The following BFSP2 variants were observed in gnomAD, a reference collection of about 807,000 sequenced individuals.
The protein encoded by BFSP2 is phakinin.
A neutral mutation model predicts 44.9 loss-of-function variants in BFSP2; 38 were observed. The ratio of observed to expected loss-of-function variants is 0.85; its 90% confidence interval spans 0.65 to 1.11. BFSP2 has a LOEUF of 1.11. BFSP2 is among the 50% of genes least tolerant of loss of function. The pLI, the probability that BFSP2 is intolerant of heterozygous loss-of-function variation, is 0.00. For missense variants in BFSP2, 525 were observed against 533.0 expected, an observed-to-expected ratio of 0.99 and a Z score of 0.15; for synonymous variants, 197 against 209.9, an observed-to-expected ratio of 0.94 and a Z score of 0.53.
chr3:133,443,578 G>C (rs1414323092), intron 1 of BFSP2, among the ~76,000 whole-genome samples: 1 of 152,204 alleles, frequency 6.6e-6, no homozygotes, highest in Non-Finnish European at 1.5e-5. Context: ...CATCTGCCGG[G>C]CTTGGTAATA....
At chr3:133,433,349 A>C (rs1312534953) in intron 1 of BFSP2, among the ~76,000 whole-genome samples, 2 of 152,192 alleles carry the variant, frequency 1.3e-5, no homozygotes, top group East Asian at 1.9e-4. Flanking sequence ...CCTGCCTCTT[A>C]AGAACCTCTC....
At chr3:133,453,202 G>GA (rs2073981371) in intron 4 of BFSP2, among the ~76,000 whole-genome samples, 2 of 152,226 alleles carry the variant, frequency 1.3e-5, no homozygotes, top group African/African-American at 4.8e-5. Flanking sequence ...TTTGTCAGTT[G>GA]CAGTTGTGCC....
intron 1 of BFSP2, among the ~76,000 whole-genome samples, chr3:133,401,199 A>C (rs746097469): frequency 3.3e-5 from 5 of 152,230 alleles, no homozygotes; most frequent in Admixed American, 6.5e-5. Flanking sequence ...ATTTAACTCT[A>C]TATGTCCAGA....
intron 1 of BFSP2, among the ~76,000 whole-genome samples, chr3:133,427,882 AGAATTTGTTCT>A (rs1207900934): frequency 6.6e-6 from 1 of 152,242 alleles, no homozygotes; most frequent in East Asian, 1.9e-4. Context: ...ACTATATGCC[AGAATTTGTTCT>A]GAGGGTTTTG....
chr3:133,410,798 A>G, intron 1 of BFSP2: 1 of 199,472 alleles, frequency 5.0e-6, no homozygotes. Flanking sequence ...GCAGCAAAGC[A>G]CATCTCGCCA....
intron 1 of BFSP2, among the ~76,000 whole-genome samples, chr3:133,446,079 GC>G (rs1329810130): frequency 1.3e-5 from 2 of 152,146 alleles, no homozygotes; most frequent in Admixed American, 6.5e-5. Context: ...TCCCCAGTGT[GC>G]CCCAGGCCAA....
chr3:133,451,353 A>G (rs2107927495), intron 4 of BFSP2, among the ~76,000 whole-genome samples: 1 of 152,310 alleles, frequency 6.6e-6, no homozygotes, highest in African/African-American at 2.4e-5. Flanking sequence ...AGAGTACAGA[A>G]TGGTATATGC....
rs184186441 is a variant in BFSP2, at chr3:133,439,142, T to C, written c.490-8175T>C. On this transcript the variant is annotated intron_variant, in intron 1 of 6. Transcript: ENST00000302334. ...GAGATTATGCCTGTGAAGGGCTGACTGTGGCATAAGTGTAGTAAGTGCTTT... is the reference window on the plus strand; with the variant it reads ...GAGATTATGCCTGTGAAGGGCTGACCGTGGCATAAGTGTAGTAAGTGCTTT... Among the ~76,000 whole-genome samples, 53 of 152,388 alleles carry C rather than the reference T, an allele frequency of 3.5e-4. No homozygotes were observed. In the East Asian group the frequency reaches 9.6e-3, roughly 28 times the overall value.
intron 1 of BFSP2, among the ~76,000 whole-genome samples, chr3:133,444,507 C>T (rs1369135589): frequency 6.6e-6 from 1 of 152,066 alleles, no homozygotes; most frequent in East Asian, 1.9e-4. Flanking sequence ...TCGTTGTCTA[C>T]AAAGTATTTA....
chr3:133,430,476 T>A (rs1342723896), intron 1 of BFSP2, among the ~76,000 whole-genome samples: 1 of 152,170 alleles, frequency 6.6e-6, no homozygotes, highest in Non-Finnish European at 1.5e-5. Context: ...TATCTCATTG[T>A]GGTTTTGATT....
chr3:133,454,771 T>G (rs182016902), intron 4 of BFSP2, among the ~76,000 whole-genome samples: 1 of 152,362 alleles, frequency 6.6e-6, no homozygotes, highest in Non-Finnish European at 1.5e-5. Flanking sequence ...CTCCAAATTT[T>G]TGACTCTATT....
intron 1 of BFSP2, among the ~76,000 whole-genome samples, chr3:133,411,729 C>G (rs1197393): frequency 1.3e-5 from 2 of 151,838 alleles, no homozygotes; most frequent in Non-Finnish European, 2.9e-5. Context: ...GACAACTAGA[C>G]AGTCATAAGG....
chr3:133,458,452 G>A (rs189392594), intron 4 of BFSP2, among the ~76,000 whole-genome samples: 2 of 152,300 alleles, frequency 1.3e-5, no homozygotes, highest in East Asian at 3.9e-4. Flanking sequence ...CCAGCACTTT[G>A]GGAAGCCAAG....
intron 1 of BFSP2, among the ~76,000 whole-genome samples, chr3:133,439,116 T>C (rs1204068185): frequency 6.6e-6 from 1 of 152,174 alleles, no homozygotes; most frequent in East Asian, 1.9e-4. Flanking sequence ...AGGGATGAAA[T>C]GAGATTATGC....
chr3:133,448,729 T>TA, intron 3 of BFSP2, 84 bp downstream of exon 3: 1 of 1,527,696 alleles, frequency 6.5e-7, no homozygotes, highest in East Asian at 2.3e-5. Context: ...AAGGCCACAG[T>TA]AGCTCATTTC....
chr3:133,464,056 C>CT (rs1202281179), intron 4 of BFSP2, among the ~76,000 whole-genome samples: 2 of 152,198 alleles, frequency 1.3e-5, no homozygotes, highest in Non-Finnish European at 2.9e-5. Flanking sequence ...GCTACATTGT[C>CT]TGACTCCATT....
intron 4 of BFSP2, chr3:133,455,346 C>T (rs1665659486): frequency 6.6e-6 from 1 of 152,230 alleles, no homozygotes. Context: ...GCATTCTCAT[C>T]TTCAGAGTTT....
At chr3:133,434,638 C>T (rs1445816681) in intron 1 of BFSP2, among the ~76,000 whole-genome samples, 2 of 152,134 alleles carry the variant, frequency 1.3e-5, no homozygotes, top group Non-Finnish European at 2.9e-5. Flanking sequence ...AGTGAATATG[C>T]CCTGCCCCAC....
At chr3:133,426,414 T>C (rs2073654897) in intron 1 of BFSP2, among the ~76,000 whole-genome samples, 1 of 152,214 alleles carries the variant, frequency 6.6e-6, no homozygotes, top group African/African-American at 2.4e-5. Flanking sequence ...CCTTTATACA[T>C]ACATCTCTTT....
Sources: allele counts gnomAD v4.1 joint callset (sites outside exome capture counted in the v4.1 genomes callset), GRCh38; gene constraint gnomAD v4.1.1; transcripts MANE v1.5; gene names NCBI Gene and HGNC (gene_info 2026-07-23, HGNC 2026-07-21).